Variants in FAM107B observed in about 807,000 individuals in gnomAD.
FAM107B encodes the protein protein FAM107B.
A neutral mutation model predicts 31.5 loss-of-function variants in FAM107B; 21 were observed. The observed-to-expected ratio is 0.67, with a 90% CI of 0.47 to 0.96. FAM107B has a LOEUF of 0.96. FAM107B is among the 40% of genes least tolerant of loss of function. The pLI is 0.00. For missense variants in FAM107B, 452 were observed against 377.1 expected (o/e 1.20, Z -1.64); for synonymous variants, 157 against 141.5 (o/e 1.11, Z -0.78).
chr10:14,543,272 T>C (rs954626575), intron 2 of FAM107B, among the ~76,000 whole-genome samples: 1 of 152,146 alleles, frequency 6.6e-6, no homozygotes, highest in African/African-American at 2.4e-5. Flanking sequence ...CGTGTTTCTT[T>C]ACTAAAAGGA....
At chr10:14,570,058 A>G (rs748061704) in intron 2 of FAM107B, among the ~76,000 whole-genome samples, 4 of 152,256 alleles carry the variant, frequency 2.6e-5, no homozygotes, top group Non-Finnish European at 5.9e-5. Flanking sequence ...AAGCATCCAA[A>G]TATTAAGCCA....
intron 2 of FAM107B, chr10:14,556,046 G>GT (rs1433035282): frequency 6.6e-6 from 1 of 152,302 alleles, no homozygotes; most frequent in Non-Finnish European, 1.5e-5. Flanking sequence ...GAATAACAAC[G>GT]TGAGCCCTAG....
intron 2 of FAM107B, among the ~76,000 whole-genome samples, chr10:14,561,159 C>CA (rs1850207128): frequency 6.6e-6 from 1 of 152,210 alleles, no homozygotes. Context: ...ATTAATTCAT[C>CA]AAGTATTTAG....
At chr10:14,764,462 C>T (rs1833122583) in intron 1 of FAM107B, among the ~76,000 whole-genome samples, 1 of 152,190 alleles carries the variant, frequency 6.6e-6, no homozygotes, top group African/African-American at 2.4e-5. Flanking sequence ...ATCATAAACA[C>T]CTCCCACGGC....
intron 2 of FAM107B, among the ~76,000 whole-genome samples, chr10:14,606,797 T>C (rs1289554438): frequency 6.7e-6 from 1 of 149,456 alleles, no homozygotes; most frequent in East Asian, 2.0e-4. Context: ...GGCCGCCAAC[T>C]GCAAGCCAGA....
intron 1 of FAM107B, among the ~76,000 whole-genome samples, chr10:14,734,744 TTTTA>T (rs1361903743): frequency 2.0e-5 from 3 of 152,098 alleles, no homozygotes; most frequent in African/African-American, 4.8e-5. Context: ...AGCTTTGTGC[TTTTA>T]TTTATTTATT....
chr10:14,704,000 T>G (rs1215489085), intron 1 of FAM107B, among the ~76,000 whole-genome samples: 1 of 152,204 alleles, frequency 6.6e-6, no homozygotes, highest in Non-Finnish European at 1.5e-5. Flanking sequence ...GACAGAAAAC[T>G]GGGTTCTCCT....
rs116498356 is a variant in FAM107B, at chr10:14,544,187, T to C, written c.470-13672A>G. Reference sequence around the variant, plus strand: ...ATCCTGGGGCTCCCAGCTACCACAGTCAAGAAACACATTTTTAAAAAATCA... The same window carrying C: ...ATCCTGGGGCTCCCAGCTACCACAGCCAAGAAACACATTTTTAAAAAATCA... On this transcript the variant is annotated intron_variant, in intron 2 of 4. Transcript: ENST00000181796. 7.4e-3 allele frequency among the ~76,000 whole-genome samples: 1,126 copies of C among 152,206 alleles called. 14 individuals are homozygous for C. Among genetic ancestry groups the C allele is most frequent in the African/African-American group, 0.026 (1,065 of 41,528 alleles).
intron 1 of FAM107B, among the ~76,000 whole-genome samples, chr10:14,731,711 C>G (rs910530160): frequency 7.2e-5 from 11 of 152,148 alleles, no homozygotes; most frequent in Non-Finnish European, 1.5e-4. Flanking sequence ...CATCTTTTTA[C>G]TGTACCTTTT....
intron 2 of FAM107B, among the ~76,000 whole-genome samples, chr10:14,658,288 T>C (rs1263415796): frequency 6.6e-6 from 1 of 152,210 alleles, no homozygotes; most frequent in African/African-American, 2.4e-5. Context: ...CCCAGGAGCA[T>C]TTCCCCTAAG....
intron 2 of FAM107B, among the ~76,000 whole-genome samples, chr10:14,546,336 TA>T (rs901113360): frequency 6.6e-6 from 1 of 152,236 alleles, no homozygotes; most frequent in Admixed American, 6.5e-5. Flanking sequence ...GCAAATTTTC[TA>T]AATTGACTGT....
intron 2 of FAM107B, among the ~76,000 whole-genome samples, chr10:14,574,651 G>C (rs1360416343): frequency 2.6e-5 from 4 of 152,198 alleles, no homozygotes; most frequent in Admixed American, 2.0e-4. Context: ...ACCTCTCACA[G>C]ATTATTAGTA....
At chr10:14,717,653 C>CCACA (rs1855810489) in intron 1 of FAM107B, among the ~76,000 whole-genome samples, 4 of 152,194 alleles carry the variant, frequency 2.6e-5, no homozygotes. Flanking sequence ...TTTGTTCTAG[C>CCACA]CACACTGCCA....
chr10:14,636,223 G>A lies in FAM107B; in HGVS notation c.469+31411C>T, dbSNP rs550321437. On this transcript the variant is annotated intron_variant, in intron 2 of 4. Transcript: ENST00000181796. ...TCCTATGCCCAATCAGAATAGGATG[G>A]ATATGCACTCAGGATTTTGCCATAG... Among the ~76,000 whole-genome samples, 114 of 145,476 alleles carry A rather than the reference G, an allele frequency of 7.8e-4. 1 individual carries two copies. The highest frequency in any genetic ancestry group is 2.8e-3 in the African/African-American group (110 of 39,336).
chr10:14,656,511 T>C (rs7922151), intron 2 of FAM107B, among the ~76,000 whole-genome samples: 45,671 of 152,116 alleles, frequency 0.3, 7,266 homozygotes, highest in South Asian at 0.42. Context: ...AGGAGACAAG[T>C]GACTGGACAT....
At chr10:14,590,396 CA>C (rs1851976488) in intron 2 of FAM107B, among the ~76,000 whole-genome samples, 1 of 152,180 alleles carries the variant, frequency 6.6e-6, no homozygotes, top group Non-Finnish European at 1.5e-5. Context: ...ATCCTTTTAA[CA>C]AATAGGTTTC....
chr10:14,623,501 G>A (rs1853071229), intron 2 of FAM107B, among the ~76,000 whole-genome samples: 1 of 152,256 alleles, frequency 6.6e-6, no homozygotes, highest in Non-Finnish European at 1.5e-5. Flanking sequence ...ATTCAGAGGA[G>A]GAGTCGGGAG....
intron 2 of FAM107B, chr10:14,553,324 A>C: frequency 7.9e-7 from 1 of 1,267,472 alleles, no homozygotes; most frequent in Non-Finnish European, 1.0e-6. Flanking sequence ...ACACTTACTA[A>C]AATACTTTGT....
At chr10:14,766,874 T>C (rs1209319141) in intron 1 of FAM107B, among the ~76,000 whole-genome samples, 1 of 150,194 alleles carries the variant, frequency 6.7e-6, no homozygotes, top group African/African-American at 2.4e-5. Context: ...AATTCTACCA[T>C]ACATTTAAAG....
Sources: allele counts gnomAD v4.1 joint callset (sites outside exome capture counted in the v4.1 genomes callset), GRCh38; gene constraint gnomAD v4.1.1; transcripts MANE v1.5; gene names NCBI Gene and HGNC (gene_info 2026-07-23, HGNC 2026-07-21).